The following ATP6V0A4 variants were observed in gnomAD, a reference collection of about 807,000 sequenced individuals.
ATP6V0A4 encodes ATPase H+ transporting V0 subunit a4, also known as V-type proton ATPase 116 kDa subunit a 4.
Under a neutral mutation model 107.3 loss-of-function variants are expected in ATP6V0A4, and 86 were observed. That is an observed-to-expected ratio of 0.80 (90% CI 0.67 to 0.96). The LOEUF is 0.96. Ranked by LOEUF, ATP6V0A4 falls within the 40% of genes least tolerant of loss-of-function variation. The pLI, the probability that ATP6V0A4 is intolerant of heterozygous loss-of-function variation, is 0.00. For missense variants in ATP6V0A4, 908 were observed against 1,045.6 expected (o/e 0.87, Z 1.81); for synonymous variants, 353 against 381.4 (o/e 0.93, Z 0.87).
intron 19 of ATP6V0A4, among the ~76,000 whole-genome samples, chr7:138,717,903 G>C (rs1157126743): frequency 4.2e-5 from 3 of 71,428 alleles, no homozygotes; most frequent in Non-Finnish European, 7.3e-5. Context: ...GTGAGACTCT[G>C]TCTCGGAAAA....
At chr7:138,779,910 A>C (rs528874922) in intron 2 of ATP6V0A4, 12 of 152,356 alleles carry the variant, frequency 7.9e-5, no homozygotes, top group African/African-American at 2.6e-4. Context: ...TGACAATGAT[A>C]GTCCTTGTTT....
chr7:138,772,295 T>C (rs1807433784), intron 2 of ATP6V0A4, among the ~76,000 whole-genome samples: 2 of 151,998 alleles, frequency 1.3e-5, no homozygotes. Context: ...AGAATGTTTC[T>C]TATAATATTG....
At chr7:138,748,685 C>T (rs1475778153) in intron 12 of ATP6V0A4, among the ~76,000 whole-genome samples, 7 of 152,130 alleles carry the variant, frequency 4.6e-5, no homozygotes, top group African/African-American at 1.7e-4. Flanking sequence ...GGATTACAGG[C>T]GTGAGCCACC....
intron 15 of ATP6V0A4, among the ~76,000 whole-genome samples, chr7:138,735,956 T>A (rs1035923083): frequency 1.1e-5 from 1 of 94,072 alleles, no homozygotes; most frequent in African/African-American, 4.2e-5. Flanking sequence ...TAATCCCAGC[T>A]ACTCAGGAGG....
intron 10 of ATP6V0A4, among the ~76,000 whole-genome samples, chr7:138,755,265 A>G (rs1806449685): frequency 6.6e-6 from 1 of 152,240 alleles, no homozygotes; most frequent in South Asian, 2.1e-4. Flanking sequence ...TGGTGAAACT[A>G]GACTCACTGT....
rs1804849995 is a variant in ATP6V0A4 at position 138,728,926 on chromosome 7, T to C, written c.1909-64A>G. ...TGGCAGAACAGCACACTTTACGTGA[T>C]GAAAATGACCACTATGGGCCACTTC... On this transcript the variant is annotated intron_variant, in intron 17 of 21. Coordinates refer to ENST00000310018, the MANE Select transcript of ATP6V0A4 (RefSeq NM_020632.3). 1.9e-6 allele frequency: 3 copies of C among 1,612,076 alleles called. No homozygotes were observed. The South Asian group carries it at 3.3e-5, about 18-fold the overall frequency.
intron 5 of ATP6V0A4, among the ~76,000 whole-genome samples, chr7:138,763,956 G>C (rs1311851737): frequency 7.1e-6 from 1 of 140,472 alleles, no homozygotes; most frequent in East Asian, 2.2e-4. Flanking sequence ...CTTTTTTTCA[G>C]ACTCTGTCTC....
intron 11 of ATP6V0A4, 68 bp from the exon 12 acceptor site, chr7:138,749,385 G>A: frequency 1.3e-6 from 2 of 1,575,446 alleles, no homozygotes; most frequent in Non-Finnish European, 1.7e-6. Flanking sequence ...CAGCACAAAG[G>A]TCACAGTCCC....
intron 21 of ATP6V0A4, among the ~76,000 whole-genome samples, chr7:138,707,221 AAT>A (rs1803458544): frequency 1.4e-5 from 1 of 73,566 alleles, no homozygotes; most frequent in African/African-American, 7.3e-5. Flanking sequence ...TATTATATAG[AAT>A]ATATTATATA....
chr7:138,797,814 TC>T (rs1808756270), intron 1 of ATP6V0A4: 1 of 509,024 alleles, frequency 2.0e-6, no homozygotes, highest in Non-Finnish European at 3.5e-6. Context: ...TCCCCTTGTT[TC>T]TCAATAAGGA....
At chr7:138,739,825 G>C (rs968412261) in intron 14 of ATP6V0A4, 192 bp from the exon 15 acceptor site, 6 of 546,970 alleles carry the variant, frequency 1.1e-5, no homozygotes, top group Non-Finnish European at 2.3e-6. Flanking sequence ...TTTGCAAAGA[G>C]ATCTCAGCCT....
At chr7:138,718,279 G>GGTGTGTGT (rs777538832) in intron 19 of ATP6V0A4, among the ~76,000 whole-genome samples, 1 of 12,956 alleles carries the variant, frequency 7.7e-5, no homozygotes, top group Non-Finnish European at 1.2e-4. Context: ...AAGGAATGGC[G>GGTGTGTGT]GTGTGTGTGT....
chr7:138,783,208 G>A (rs186510918), intron 2 of ATP6V0A4, among the ~76,000 whole-genome samples: 1 of 152,244 alleles, frequency 6.6e-6, no homozygotes, highest in East Asian at 1.9e-4. Context: ...TTTATTTTCA[G>A]GAGAAGAGAC....
At chr7:138,767,661 C>A (rs1016534751) in intron 5 of ATP6V0A4, among the ~76,000 whole-genome samples, 152 of 147,690 alleles carry the variant, frequency 1.0e-3, no homozygotes, top group African/African-American at 3.5e-3. Flanking sequence ...AAAAAAAAAA[C>A]CCAGCCAGAG....
intron 18 of ATP6V0A4, among the ~76,000 whole-genome samples, chr7:138,725,134 T>C (rs1804642060): frequency 6.6e-6 from 1 of 152,070 alleles, no homozygotes; most frequent in Non-Finnish European, 1.5e-5. Context: ...TAGCTGGGCA[T>C]TGTGGTGCAG....
intron 15 of ATP6V0A4, among the ~76,000 whole-genome samples, chr7:138,738,112 A>C (rs1321089127): frequency 6.6e-6 from 1 of 152,150 alleles, no homozygotes; most frequent in African/African-American, 2.4e-5. Flanking sequence ...ATTTTTTTAA[A>C]TCATATATAT....
intron 3 of ATP6V0A4, among the ~76,000 whole-genome samples, chr7:138,769,516 T>C (rs1437192425): frequency 1.3e-5 from 2 of 152,116 alleles, no homozygotes; most frequent in Non-Finnish European, 2.9e-5. Flanking sequence ...GGTTTCACCA[T>C]GTTGGCCAGG....
rs1021429006 is a variant in ATP6V0A4 at position 138,713,566 on chromosome 7, T to C, written c.2257+2198A>G. ...AGGTTCTTTGCTTTCAAGGAGCTCA[T>C]AGTCCAGTAGGAAGACAGGCTAATC... On this transcript the variant is annotated intron_variant, in intron 20 of 21. Coordinates refer to ENST00000310018, the MANE Select transcript of ATP6V0A4 (RefSeq NM_020632.3). Among the ~76,000 whole-genome samples, 5 of 152,260 alleles carry C rather than the reference T, an allele frequency of 3.3e-5. No individual in the cohort carries two copies. The East Asian group carries it at 7.7e-4, about 24-fold the overall frequency.
intron 1 of ATP6V0A4, among the ~76,000 whole-genome samples, chr7:138,795,055 G>A (rs1196460241): frequency 2.6e-5 from 4 of 152,008 alleles, no homozygotes; most frequent in African/African-American, 7.2e-5. Flanking sequence ...GCACCACCAC[G>A]CCTGGCTAAT....
Sources: allele counts gnomAD v4.1 joint callset (sites outside exome capture counted in the v4.1 genomes callset), GRCh38; gene constraint gnomAD v4.1.1; transcripts MANE v1.5; gene names NCBI Gene and HGNC (gene_info 2026-07-23, HGNC 2026-07-21).